ADAMTSL1: variants seen among roughly 807,000 people sequenced by gnomAD.
The protein encoded by ADAMTSL1 is ADAMTS-like protein 1.
ADAMTSL1 carries 126 observed loss-of-function variants against 201.8 expected under a neutral mutation model. That is an observed-to-expected ratio of 0.62 (90% CI 0.54 to 0.72). The LOEUF (loss-of-function observed/expected upper bound fraction) is 0.72. Ranked by LOEUF, ADAMTSL1 falls within the 30% of genes least tolerant of loss-of-function variation. The probability of loss-of-function intolerance (pLI) is 0.00; values close to 1 mark genes in which losing one functional copy is unlikely to be tolerated. For synonymous variants in ADAMTSL1, 1,121 were observed against 903.4 expected, an observed-to-expected ratio of 1.24 and a Z score of -4.32; for missense variants, 2,679 against 2,277.8, an observed-to-expected ratio of 1.18 and a Z score of -3.59.
intron 1 of ADAMTSL1, among the ~76,000 whole-genome samples, chr9:17,913,422 A>T (rs571029117): frequency 6.6e-4 from 100 of 152,256 alleles, no homozygotes; most frequent in African/African-American, 2.1e-3. Flanking sequence ...ATCCCTTGTA[A>T]GTTGGATTCC....
chr9:18,905,746 C>G (rs771924800), intron 26 of ADAMTSL1, 36 bp from the exon 27 acceptor site: 1 of 1,563,676 alleles, frequency 6.4e-7, no homozygotes, highest in Non-Finnish European at 8.7e-7. Flanking sequence ...CTTGACTTGG[C>G]TAATGTGCGG....
chr9:18,042,311 T>C (rs138885317), intron 1 of ADAMTSL1, among the ~76,000 whole-genome samples: 1 of 152,252 alleles, frequency 6.6e-6, no homozygotes, highest in Admixed American at 6.6e-5. Flanking sequence ...CTAATTCTGA[T>C]TGAATTTAGC....
chr9:18,555,869 G>T (rs1481973963), intron 3 of ADAMTSL1, among the ~76,000 whole-genome samples: 1 of 151,926 alleles, frequency 6.6e-6, no homozygotes, highest in Non-Finnish European at 1.5e-5. Context: ...AGGCAAAGCT[G>T]GGTCAGCTCC....
chr9:18,127,351 G>A lies in ADAMTSL1; in HGVS notation c.88-36511G>A, dbSNP rs185127876. Among the ~76,000 whole-genome samples, 26 of 152,276 alleles carry A rather than the reference G, an allele frequency of 1.7e-4. No homozygotes were observed. In the East Asian group the frequency reaches 3.5e-3, roughly 20 times the overall value. Reference sequence around the variant, plus strand: ...CACCACTTTCTGATGTAATGGTCATGTAAAATGACTATGGGTGTGGGCATA... The same window carrying A: ...CACCACTTTCTGATGTAATGGTCATATAAAATGACTATGGGTGTGGGCATA... On this transcript the variant is annotated intron_variant, in intron 1 of 29. Coordinates refer to the ADAMTSL1 transcript ENST00000680146.
rs574079174 is a variant in ADAMTSL1 at position 18,086,779 on chromosome 9, T to G, written c.88-77083T>G. Among the ~76,000 whole-genome samples, 4 of 152,320 alleles carry G rather than the reference T, an allele frequency of 2.6e-5. No homozygotes were observed. The South Asian group carries it at 8.3e-4, about 32-fold the overall frequency. On this transcript the variant is annotated intron_variant, in intron 1 of 29. Transcript: ENST00000680146. ...TGCTTATGACAATTTCTGTAAAAAG[T>G]TGGGCAGTGGCCCTTAATCAGGGAT...
At chr9:18,890,690 T>C (rs932209074) in intron 25 of ADAMTSL1, 26 of 435,958 alleles carry the variant, frequency 6.0e-5, no homozygotes, top group Non-Finnish European at 6.5e-5. Context: ...CTTCCTGAAC[T>C]GTAACATAGC....
intron 1 of ADAMTSL1, among the ~76,000 whole-genome samples, chr9:17,949,218 G>T (rs1827635313): frequency 1.3e-5 from 2 of 152,132 alleles, no homozygotes; most frequent in South Asian, 2.1e-4. Context: ...GAAGATTTTT[G>T]CAGACAGGGC....
chr9:18,717,867 A>T (rs928504951), intron 14 of ADAMTSL1: 11 of 785,234 alleles, frequency 1.4e-5, no homozygotes, highest in Non-Finnish European at 2.3e-5. Flanking sequence ...ACCACAGGAA[A>T]GTCCATTTAA....
chr9:17,938,274 G>C (rs1827094374), intron 1 of ADAMTSL1, among the ~76,000 whole-genome samples: 1 of 152,056 alleles, frequency 6.6e-6, no homozygotes, highest in Non-Finnish European at 1.5e-5. Context: ...AGGCACAAGG[G>C]CCTTATGTGC....
chr9:18,600,114 TG>T (rs1191725837), intron 4 of ADAMTSL1, among the ~76,000 whole-genome samples: 1 of 152,030 alleles, frequency 6.6e-6, no homozygotes, highest in African/African-American at 2.4e-5. Context: ...GCATACTCTT[TG>T]GGGCCTCTTT....
intron 2 of ADAMTSL1, among the ~76,000 whole-genome samples, chr9:18,416,537 A>G (rs1238361966): frequency 2.0e-5 from 3 of 151,962 alleles, no homozygotes; most frequent in Non-Finnish European, 2.9e-5. Flanking sequence ...GTATATTTTA[A>G]ATAAAAAGAC....
rs532028794 is a variant in ADAMTSL1, at chr9:18,077,822, G to A, written c.88-86040G>A. On this transcript the variant is annotated intron_variant, in intron 1 of 29. Transcript: ENST00000680146. ...GTTGAGGCAGGAGAAGGGGCTAATC[G>A]GAGGAAGATGAGAGAGATGGAGAGG... Among the ~76,000 whole-genome samples the A allele has an allele frequency of 6.6e-5, 10 of 152,294 alleles. No homozygotes were observed. The East Asian group carries it at 1.4e-3, about 21-fold the overall frequency.
chr9:18,194,423 C>T (rs1376475597), intron 2 of ADAMTSL1, among the ~76,000 whole-genome samples: 1 of 152,074 alleles, frequency 6.6e-6, no homozygotes, highest in East Asian at 1.9e-4. Flanking sequence ...AAGGGCACTG[C>T]TGTCTCTCTC....
chr9:18,841,568 G>T lies in ADAMTSL1; in HGVS notation c.4249+11591G>T, dbSNP rs556037727. Among the ~76,000 whole-genome samples the T allele has an allele frequency of 7.2e-5, 11 of 152,322 alleles. No homozygotes were observed. The East Asian group carries it at 2.1e-3, about 29-fold the overall frequency. ...TGGCCTCATAAAATGAGTTAGGGAG[G>T]ATTTCCTCTTTTTCTATTGATTGGA... On this transcript the variant is annotated intron_variant, in intron 23 of 28. Coordinates refer to ENST00000380548, the MANE Select transcript of ADAMTSL1 (RefSeq NM_001040272.6).
At chr9:17,961,636 A>G (rs1462283949) in intron 1 of ADAMTSL1, among the ~76,000 whole-genome samples, 1 of 152,144 alleles carries the variant, frequency 6.6e-6, no homozygotes, top group African/African-American at 2.4e-5. Flanking sequence ...TTTTTAAATG[A>G]TTATATTCAG....
At chr9:18,478,730 C>T (rs1821585352) in intron 1 of ADAMTSL1, among the ~76,000 whole-genome samples, 1 of 152,152 alleles carries the variant, frequency 6.6e-6, no homozygotes. Context: ...GGACCGGAGC[C>T]TTTTCTTGAG....
intron 2 of ADAMTSL1, among the ~76,000 whole-genome samples, chr9:18,531,853 T>G (rs1259344137): frequency 6.6e-6 from 1 of 152,154 alleles, no homozygotes; most frequent in African/African-American, 2.4e-5. Flanking sequence ...AGTGTGTGAG[T>G]TCCGAAGCCA....
At chr9:18,009,093 T>C (rs911438066) in intron 1 of ADAMTSL1, among the ~76,000 whole-genome samples, 1 of 152,034 alleles carries the variant, frequency 6.6e-6, no homozygotes, top group African/African-American at 2.4e-5. Context: ...GTGTCATTCA[T>C]GCCCTTACTC....
At chr9:18,716,632 T>G (rs1169114753) in intron 14 of ADAMTSL1, among the ~76,000 whole-genome samples, 1 of 141,132 alleles carries the variant, frequency 7.1e-6, no homozygotes, top group Non-Finnish European at 1.5e-5. Context: ...ACTTTTACAC[T>G]GTTGGTGGGA....
Sources: allele counts gnomAD v4.1 joint callset (sites outside exome capture counted in the v4.1 genomes callset), GRCh38; gene constraint gnomAD v4.1.1; transcripts MANE v1.5; gene names NCBI Gene and HGNC (gene_info 2026-07-23, HGNC 2026-07-21).